The following TET1 variants were observed in gnomAD, a reference collection of about 807,000 sequenced individuals.
The protein encoded by TET1 is tet methylcytosine dioxygenase 1, also known as methylcytosine dioxygenase TET1.
A neutral mutation model predicts 148.7 loss-of-function variants in TET1; 13 were observed. The ratio of observed to expected loss-of-function variants is 0.09; its 90% CI spans 0.06 to 0.14. TET1 has a LOEUF of 0.14. Among genes scored for constraint, TET1 ranks in the 10% least tolerant of loss-of-function variants. TET1 has a pLI of 1.00. For synonymous variants in TET1, 907 were observed against 937.2 expected (o/e 0.97, Z 0.59); for missense variants, 2,182 against 2,553.8 (o/e 0.85, Z 3.14).
chr10:68,675,711 C>T lies in TET1; in HGVS notation c.4824+2666C>T, dbSNP rs568023509. Among the ~76,000 whole-genome samples the T allele has an allele frequency of 6.6e-5, 10 of 151,990 alleles. No individual in the cohort carries two copies. The South Asian group carries it at 1.5e-3, about 22-fold the overall frequency. ...AAGTGCTGGGATTACAGGCATGAGA[C>T]ACTGTGGCCAGGCAGATTTTTAGAA... On this transcript the variant is annotated intron_variant, in intron 8 of 11. Coordinates refer to ENST00000373644, the MANE Select transcript of TET1 (RefSeq NM_030625.3).
chr10:68,575,613 A>T (rs1052270128), intron 2 of TET1, among the ~76,000 whole-genome samples: 1 of 151,968 alleles, frequency 6.6e-6, no homozygotes, highest in Admixed American at 6.6e-5. Context: ...GAGGCAGTAG[A>T]ATCGCTTGAA....
In TET1 at chr10:68,691,361, A is replaced by G. The variant is rs758371923; in HGVS notation, c.5958A>G (p.Lys1986=). 1.2e-6 allele frequency: 2 copies of G among 1,613,988 alleles called. No homozygotes were observed. Among genetic ancestry groups the G allele is most frequent in the South Asian group, 1.1e-5 (1 of 91,076 alleles). Residue 1986 remains lysine, a synonymous_variant, in exon 12 of 12, where the codon AAA becomes AAG. Coordinates refer to ENST00000373644, the MANE Select transcript of TET1 (RefSeq NM_030625.3). The surrounding 1 kb of genome is among the most constrained non-coding windows in gnomAD (Gnocchi z 4.4). ...SDDPLSPAEE[K]LPHIDEYWSD... Reference sequence around the variant, plus strand: ...ACCCCCTGTCACCTGCTGAGGAGAAATTGCCCCACATTGATGAGTATTGGT... The same window carrying G: ...ACCCCCTGTCACCTGCTGAGGAGAAGTTGCCCCACATTGATGAGTATTGGT...
At chr10:68,671,014 T>C (rs1029562645) in intron 7 of TET1, among the ~76,000 whole-genome samples, 1 of 152,200 alleles carries the variant, frequency 6.6e-6, no homozygotes, top group Non-Finnish European at 1.5e-5. Context: ...TTTTTGTTCT[T>C]TCTTTCTGGT....
At chr10:68,679,347 C>G (rs560287462) in intron 8 of TET1, among the ~76,000 whole-genome samples, 3 of 152,154 alleles carry the variant, frequency 2.0e-5, no homozygotes, top group East Asian at 3.9e-4. Context: ...TGGTCCACAA[C>G]AGAATAAATA....
chr10:68,624,111 T>G (rs1285094160), intron 3 of TET1, among the ~76,000 whole-genome samples: 4 of 151,886 alleles, frequency 2.6e-5, no homozygotes, highest in Non-Finnish European at 5.9e-5. Context: ...TTTCTTTTTT[T>G]TTTGAAATGG....
intron 3 of TET1, among the ~76,000 whole-genome samples, chr10:68,644,369 A>AT (rs551315645): frequency 2.0e-5 from 3 of 151,498 alleles, no homozygotes; most frequent in Admixed American, 6.6e-5. Flanking sequence ...CACCTGACTA[A>AT]TTTTTTTTGT....
At chr10:68,588,215 T>C (rs2053881210) in intron 2 of TET1, among the ~76,000 whole-genome samples, 1 of 152,190 alleles carries the variant, frequency 6.6e-6, no homozygotes, top group Non-Finnish European at 1.5e-5. Context: ...TACCCTGGAC[T>C]CAAGCAATCT....
chr10:68,638,778 T>C (rs1317380228), intron 3 of TET1, among the ~76,000 whole-genome samples: 2 of 129,186 alleles, frequency 1.5e-5, no homozygotes, highest in Non-Finnish European at 3.0e-5. Flanking sequence ...TGTGTGTGTG[T>C]GTGTGTGTGT....
In TET1 at chr10:68,595,166, A is replaced by AAAG. The variant is rs2053964008; in HGVS notation, c.1915-5814_1915-5813insAGA. ...AGACCCTATCAAGAAAAAAAAAAAAAATCTCTGAAAGGTACAAGACATTCT... is the reference window on the plus strand; with the variant it reads ...AGACCCTATCAAGAAAAAAAAAAAAAAAGATCTCTGAAAGGTACAAGACATTCT... On this transcript the variant is annotated intron_variant, in intron 2 of 11. Coordinates refer to ENST00000373644, the MANE Select transcript of TET1 (RefSeq NM_030625.3). 2.6e-5 allele frequency among the ~76,000 whole-genome samples: 4 copies of AAAG among 151,652 alleles called. No individual in the cohort carries two copies. In the South Asian group the frequency reaches 8.3e-4, roughly 32 times the overall value.
intron 2 of TET1, among the ~76,000 whole-genome samples, chr10:68,598,851 C>T (rs555827741): frequency 6.6e-6 from 1 of 151,868 alleles, no homozygotes; most frequent in African/African-American, 2.4e-5. Flanking sequence ...CCATCATGCC[C>T]GGCTAATTTT....
intron 3 of TET1, among the ~76,000 whole-genome samples, chr10:68,601,677 G>C (rs2132876517): frequency 2.0e-5 from 3 of 152,270 alleles, no homozygotes; most frequent in Non-Finnish European, 1.5e-5. Flanking sequence ...GATTTGTACA[G>C]TGTTTAGAAG....
chr10:68,628,998 A>G (rs2054528868), intron 3 of TET1, among the ~76,000 whole-genome samples: 1 of 152,222 alleles, frequency 6.6e-6, no homozygotes, highest in Admixed American at 6.5e-5. Context: ...AAACTGAAGC[A>G]ACAGAAAACA....
At chr10:68,602,478 T>C (rs1366573511) in intron 3 of TET1, among the ~76,000 whole-genome samples, 3 of 152,216 alleles carry the variant, frequency 2.0e-5, no homozygotes, top group Non-Finnish European at 2.9e-5. Flanking sequence ...GAGAAAGGGA[T>C]AGATTATGTG....
intron 2 of TET1, among the ~76,000 whole-genome samples, chr10:68,579,299 A>G (rs1023310978): frequency 1.3e-5 from 2 of 152,210 alleles, no homozygotes; most frequent in Admixed American, 1.3e-4. Flanking sequence ...GTTCAGTGCC[A>G]TAACAAATGA....
At chr10:68,638,710 T>C (rs1179030686) in intron 3 of TET1, among the ~76,000 whole-genome samples, 2 of 151,934 alleles carry the variant, frequency 1.3e-5, no homozygotes, top group Admixed American at 6.6e-5. Context: ...TTATGGGTTG[T>C]TGTTGTTTTT....
At chr10:68,650,694 T>C (rs2054919221) in intron 4 of TET1, among the ~76,000 whole-genome samples, 1 of 152,146 alleles carries the variant, frequency 6.6e-6, no homozygotes, top group Non-Finnish European at 1.5e-5. Flanking sequence ...CCCCTAGTAT[T>C]TGACATCCAG....
At chr10:68,617,168 C>T (rs1366260324) in intron 3 of TET1, among the ~76,000 whole-genome samples, 3 of 148,888 alleles carry the variant, frequency 2.0e-5, no homozygotes, top group African/African-American at 7.4e-5. Context: ...ACTATAGGCG[C>T]CTGCCACCAC....
chr10:68,634,510 T>TA (rs2054621786), intron 3 of TET1, among the ~76,000 whole-genome samples: 1 of 152,226 alleles, frequency 6.6e-6, no homozygotes, highest in African/African-American at 2.4e-5. Context: ...TGTTAACACT[T>TA]ACTATTTGCT....
chr10:68,619,295 C>T (rs1289383145), intron 3 of TET1, among the ~76,000 whole-genome samples: 2 of 152,122 alleles, frequency 1.3e-5, no homozygotes, highest in Non-Finnish European at 2.9e-5. Flanking sequence ...GGTAGAAGCT[C>T]ATCAGCTCAC....
Sources: allele counts gnomAD v4.1 joint callset (sites outside exome capture counted in the v4.1 genomes callset), GRCh38; gene constraint gnomAD v4.1.1; non-coding constraint Gnocchi (gnomAD v3.1); transcripts MANE v1.5; gene names NCBI Gene and HGNC (gene_info 2026-07-23, HGNC 2026-07-21).